ADGRL3: variants seen among roughly 807,000 people sequenced by gnomAD.
The protein encoded by ADGRL3 is calcium-independent alpha-latrotoxin receptor 3.
Under a neutral mutation model 153.5 loss-of-function variants are expected in ADGRL3, and 62 were observed. The observed-to-expected ratio is 0.40, with a 90% CI of 0.33 to 0.50. The LOEUF is 0.50. Ranked by LOEUF, ADGRL3 falls within the 20% of genes least tolerant of loss-of-function variation. The pLI is 0.47. For missense variants in ADGRL3, 1,641 were observed against 1,859.4 expected (o/e 0.88, Z 2.16); for synonymous variants, 710 against 672.5 (o/e 1.06, Z -0.86).
intron 3 of ADGRL3, among the ~76,000 whole-genome samples, chr4:61,515,575 C>G (rs1232975781): frequency 6.6e-6 from 1 of 152,074 alleles, no homozygotes; most frequent in Non-Finnish European, 1.5e-5. Context: ...AATGGGAACT[C>G]AATAAATATT....
chr4:61,277,376 GTATTA>G (rs1257081393), intron 1 of ADGRL3, among the ~76,000 whole-genome samples: 3 of 152,060 alleles, frequency 2.0e-5, no homozygotes, highest in Admixed American at 1.3e-4. Context: ...TAAAAAGTAC[GTATTA>G]TACGGCATGA....
At chr4:61,683,952 A>G (rs1023396813) in intron 6 of ADGRL3, among the ~76,000 whole-genome samples, 8 of 152,182 alleles carry the variant, frequency 5.3e-5, no homozygotes, top group South Asian at 2.1e-4. Context: ...TAAAATATGA[A>G]TAGACTTTCC....
intron 1 of ADGRL3, among the ~76,000 whole-genome samples, chr4:61,381,016 C>T (rs1284603479): frequency 6.6e-6 from 1 of 151,874 alleles, no homozygotes; most frequent in Non-Finnish European, 1.5e-5. Flanking sequence ...CACCTGGTTG[C>T]CTTCTCATTA....
At chr4:61,869,992 G>A (rs1197719110) in intron 9 of ADGRL3, among the ~76,000 whole-genome samples, 2 of 98,502 alleles carry the variant, frequency 2.0e-5, no homozygotes, top group Non-Finnish European at 4.2e-5. Context: ...GAGAGAGAGG[G>A]AGAGAGAGAG....
chr4:61,304,602 T>G (rs2094704277), intron 1 of ADGRL3, among the ~76,000 whole-genome samples: 1 of 152,176 alleles, frequency 6.6e-6, no homozygotes, highest in South Asian at 2.1e-4. Flanking sequence ...TTTCACATTT[T>G]CATTTTAGGA....
intron 1 of ADGRL3, among the ~76,000 whole-genome samples, chr4:61,356,349 G>C (rs1333100783): frequency 6.6e-6 from 1 of 151,864 alleles, no homozygotes; most frequent in Non-Finnish European, 1.5e-5. Flanking sequence ...TACATCAAAT[G>C]CACTGTCTAG....
In ADGRL3 at chr4:61,992,602, C is replaced by T. The variant is rs184935234; in HGVS notation, c.3237-3689C>T. Among the ~76,000 whole-genome samples, 10 of 152,224 alleles carry T rather than the reference C, an allele frequency of 6.6e-5. No homozygotes were observed. The East Asian group carries it at 1.7e-3, about 26-fold the overall frequency. ...ACAGCCTTCCAGAAGAGAGTAAAGC[C>T]CCAGCAGCCCTCATGGAGGGATGAT... On this transcript the variant is annotated intron_variant, in intron 19 of 26. Transcript: ENST00000683033.
intron 1 of ADGRL3, among the ~76,000 whole-genome samples, chr4:61,278,901 T>C (rs1374358429): frequency 6.6e-6 from 1 of 152,206 alleles, no homozygotes; most frequent in Admixed American, 6.5e-5. Context: ...AAGTACAATA[T>C]CAAAGCTTAA....
At chr4:61,370,902 A>G (rs1689730264) in intron 1 of ADGRL3, among the ~76,000 whole-genome samples, 1 of 151,026 alleles carries the variant, frequency 6.6e-6, no homozygotes, top group South Asian at 2.1e-4. Flanking sequence ...TGCTTTATGA[A>G]TCTGGGTGCT....
chr4:61,985,251 C>T (rs1209813362), intron 19 of ADGRL3, among the ~76,000 whole-genome samples: 1 of 148,308 alleles, frequency 6.7e-6, no homozygotes, highest in Non-Finnish European at 1.5e-5. Context: ...TTCAAATAAA[C>T]TAGGATTTTT....
At chr4:61,306,205 C>G (rs1186292889) in intron 1 of ADGRL3, among the ~76,000 whole-genome samples, 1 of 152,040 alleles carries the variant, frequency 6.6e-6, no homozygotes, top group Non-Finnish European at 1.5e-5. Context: ...TCACGCCATT[C>G]TCCTGCCTCA....
At chr4:61,600,613 G>A (rs980845414) in intron 5 of ADGRL3, among the ~76,000 whole-genome samples, 1 of 152,124 alleles carries the variant, frequency 6.6e-6, no homozygotes, top group African/African-American at 2.4e-5. Flanking sequence ...AGAAAAATCT[G>A]TTTTTTCCAC....
intron 8 of ADGRL3, among the ~76,000 whole-genome samples, chr4:61,771,774 AAATC>A (rs1401656614): frequency 2.0e-5 from 2 of 99,528 alleles, no homozygotes; most frequent in East Asian, 7.0e-4. Flanking sequence ...CTCAAAATCA[AAATC>A]AATAAGCCTT....
At chr4:61,891,558 A>G (rs2098586088) in intron 9 of ADGRL3, among the ~76,000 whole-genome samples, 1 of 152,170 alleles carries the variant, frequency 6.6e-6, no homozygotes, top group African/African-American at 2.4e-5. Flanking sequence ...ATATACACCA[A>G]ATACATTGTG....
chr4:62,024,855 G>A (rs1581936631), intron 21 of ADGRL3, among the ~76,000 whole-genome samples: 1 of 151,414 alleles, frequency 6.6e-6, no homozygotes, highest in African/African-American at 2.4e-5. Context: ...GTGTGAACCC[G>A]GGAGGTGGAG....
At chr4:61,239,300 A>G (rs1268156111) in intron 1 of ADGRL3, among the ~76,000 whole-genome samples, 8 of 152,114 alleles carry the variant, frequency 5.3e-5, no homozygotes, top group Admixed American at 5.2e-4. Context: ...TTTTATAGAG[A>G]TGCTAAATAT....
Position 61,772,930 on chromosome 4 carries a change from A to C in ADGRL3, c.1399+39376A>C, listed in dbSNP as rs533819881. 7.2e-5 allele frequency among the ~76,000 whole-genome samples: 11 copies of C among 152,308 alleles called. 1 individual carries two copies. In the South Asian group the frequency reaches 2.3e-3, roughly 32 times the overall value. On this transcript the variant is annotated intron_variant, in intron 8 of 26. Transcript: ENST00000683033. ...TACCATGTTTTAAAATATTATGTTT[A>C]AAATACCCTGTTTAAAAAATACCAT...
At chr4:61,781,388 T>C (rs1406382393) in intron 8 of ADGRL3, among the ~76,000 whole-genome samples, 3 of 151,298 alleles carry the variant, frequency 2.0e-5, no homozygotes, top group East Asian at 1.9e-4. Flanking sequence ...TTGTCTCACT[T>C]AATGAAATAA....
chr4:61,526,087 A>T (rs1238195527), intron 4 of ADGRL3, among the ~76,000 whole-genome samples: 1 of 152,130 alleles, frequency 6.6e-6, no homozygotes, highest in South Asian at 2.1e-4. Context: ...TGATCAAGAC[A>T]TGGGTTGATA....
Sources: allele counts gnomAD v4.1 joint callset (sites outside exome capture counted in the v4.1 genomes callset), GRCh38; gene constraint gnomAD v4.1.1; transcripts MANE v1.5; gene names NCBI Gene and HGNC (gene_info 2026-07-23, HGNC 2026-07-21).